Variants in DLG2 observed in about 807,000 individuals in gnomAD.
The protein encoded by DLG2 is discs large MAGUK scaffold protein 2.
In DLG2, 45 loss-of-function variants were observed where a neutral mutation model predicts 132.5. That is an observed-to-expected ratio of 0.34 (90% confidence interval 0.27 to 0.44). DLG2 has a LOEUF of 0.44. Among genes scored for constraint, DLG2 ranks in the 20% least tolerant of loss-of-function variants. The pLI is 1.00. For missense variants in DLG2, 1,045 were observed against 1,196.9 expected (o/e 0.87, Z 1.87); for synonymous variants, 424 against 419.6 (o/e 1.01, Z -0.13).
intron 8 of DLG2, among the ~76,000 whole-genome samples, chr11:84,199,192 G>T (rs2096560974): frequency 6.6e-6 from 1 of 152,052 alleles, no homozygotes; most frequent in South Asian, 2.1e-4. Flanking sequence ...TTGAATCTAG[G>T]CTCACAAACT....
chr11:85,446,691 C>T (rs1436269412), intron 3 of DLG2, among the ~76,000 whole-genome samples: 3 of 151,982 alleles, frequency 2.0e-5, no homozygotes, highest in Non-Finnish European at 2.9e-5. Context: ...ACCACAGATG[C>T]ATCTTATTCT....
Position 85,246,342 on chromosome 11 carries a change from A to G in DLG2, c.186+38878T>C, listed in dbSNP as rs147670972. Reference sequence around the variant, plus strand: ...GCATCAGACTAGCTGACTAGCCCCAATGAATGTTAGAAAACAGGTCAGTAA... The same window carrying G: ...GCATCAGACTAGCTGACTAGCCCCAGTGAATGTTAGAAAACAGGTCAGTAA... On this transcript the variant is annotated intron_variant, in intron 4 of 27. Coordinates refer to ENST00000376104, the MANE Select transcript of DLG2 (RefSeq NM_001142699.3). Among the ~76,000 whole-genome samples the G allele has an allele frequency of 3.5e-3, 536 of 152,136 alleles. 1 individual carries two copies. Among genetic ancestry groups the G allele is most frequent in the African/African-American group, 0.012 (511 of 41,540 alleles).
intron 20 of DLG2, among the ~76,000 whole-genome samples, chr11:83,533,941 G>T (rs901152496): frequency 1.3e-5 from 2 of 152,112 alleles, no homozygotes; most frequent in Non-Finnish European, 2.9e-5. Context: ...AGGAAGCTGG[G>T]GGCCTATTTA....
At chr11:83,765,412 C>T (rs898761635) in intron 18 of DLG2, among the ~76,000 whole-genome samples, 2 of 152,106 alleles carry the variant, frequency 1.3e-5, no homozygotes, top group Admixed American at 1.3e-4. Flanking sequence ...AAATATTTAC[C>T]TTTTAAAATT....
chr11:84,402,353 A>G (rs1234652544), intron 7 of DLG2, among the ~76,000 whole-genome samples: 1 of 152,184 alleles, frequency 6.6e-6, no homozygotes, highest in Non-Finnish European at 1.5e-5. Context: ...TTGAATGGTT[A>G]AGATCTGGAG....
At chr11:85,338,765 C>T (rs139238094) in intron 3 of DLG2, among the ~76,000 whole-genome samples, 6,678 of 144,640 alleles carry the variant, frequency 0.046, 180 homozygotes, top group Admixed American at 0.059. Context: ...AGTGCAGTGA[C>T]GCGATCTCGG....
intron 10 of DLG2, among the ~76,000 whole-genome samples, chr11:84,064,564 T>C (rs1030614009): frequency 1.3e-5 from 2 of 152,152 alleles, no homozygotes; most frequent in Non-Finnish European, 2.9e-5. Flanking sequence ...TATTGACTGA[T>C]TGTTACTGTT....
intron 9 of DLG2, among the ~76,000 whole-genome samples, chr11:84,122,272 A>G (rs2093960888): frequency 6.6e-6 from 1 of 152,158 alleles, no homozygotes; most frequent in Non-Finnish European, 1.5e-5. Context: ...ATGAGCCAAG[A>G]TCGCGTCACT....
chr11:85,465,049 G>T (rs891368442), intron 3 of DLG2, among the ~76,000 whole-genome samples: 1 of 106,642 alleles, frequency 9.4e-6, no homozygotes, highest in East Asian at 3.2e-4. Context: ...ACTCCAGCAC[G>T]GGCAACAGTG....
chr11:83,964,955 T>C (rs1047576104), intron 13 of DLG2, among the ~76,000 whole-genome samples: 3 of 152,036 alleles, frequency 2.0e-5, no homozygotes, highest in African/African-American at 7.2e-5. Context: ...GCCAGTCTCT[T>C]TTCTAATCTA....
At chr11:84,091,001 C>G (rs1004566228) in intron 10 of DLG2, among the ~76,000 whole-genome samples, 1 of 152,208 alleles carries the variant, frequency 6.6e-6, no homozygotes, top group Admixed American at 6.5e-5. Flanking sequence ...AGAGTATGAT[C>G]TAAACTAAGT....
Position 85,547,112 on chromosome 11 carries a change from A to G in DLG2, c.40+51545T>C, listed in dbSNP as rs145312377. 5.3e-3 allele frequency among the ~76,000 whole-genome samples: 804 copies of G among 152,228 alleles called. 8 individuals are homozygous for G. Among genetic ancestry groups the G allele is most frequent in the African/African-American group, 0.018 (747 of 41,534 alleles). ...TATTCATAGCGTCGATGGTCTTTAC[A>G]GTTTGGCATGTTTTTGCAGTGGTTG... On this transcript the variant is annotated intron_variant, in intron 3 of 27. Transcript: ENST00000376104.
chr11:85,365,984 G>T (rs535253102), intron 3 of DLG2, among the ~76,000 whole-genome samples: 1 of 152,238 alleles, frequency 6.6e-6, no homozygotes, highest in East Asian at 1.9e-4. Context: ...CCTAATGTCA[G>T]GTTGATGGGT....
rs111897843 is a variant in DLG2 at position 83,801,039 on chromosome 11, T to G, written c.1723-14247A>C. On this transcript the variant is annotated intron_variant, in intron 17 of 27. Transcript: ENST00000376104. ...TCGTGCTCAAAATCAAACTCAAAAT[T>G]TCTCCCAAACATGTTTCTCGAGAGT... 9.1e-3 allele frequency among the ~76,000 whole-genome samples: 1,385 copies of G among 152,212 alleles called. 20 individuals are homozygous for G. The highest frequency in any genetic ancestry group is 0.032 in the African/African-American group (1,331 of 41,522).
intron 7 of DLG2, among the ~76,000 whole-genome samples, chr11:84,333,830 G>C (rs1186212849): frequency 6.6e-6 from 1 of 152,176 alleles, no homozygotes; most frequent in Non-Finnish European, 1.5e-5. Context: ...TAAGGTCTTA[G>C]ACAAATTATT....
In DLG2 at chr11:83,794,363, G is replaced by C. The variant is rs1241600747; in HGVS notation, c.1723-7571C>G. Among the ~76,000 whole-genome samples, 2 of 150,022 alleles carry C rather than the reference G, an allele frequency of 1.3e-5. 1 individual carries two copies. Among genetic ancestry groups the C allele is most frequent in the Admixed American group, 1.3e-4 (2 of 14,980 alleles). ...AACCTTGAACAAATAACATTTTCAAGTATTCACAGTTTACATCATTGATAT... is the reference window on the plus strand; with the variant it reads ...AACCTTGAACAAATAACATTTTCAACTATTCACAGTTTACATCATTGATAT... On this transcript the variant is annotated intron_variant, in intron 17 of 27. Transcript: ENST00000376104.
At chr11:84,530,896 G>A (rs923909640) in intron 7 of DLG2, among the ~76,000 whole-genome samples, 8 of 152,108 alleles carry the variant, frequency 5.3e-5, no homozygotes, top group African/African-American at 1.9e-4. Flanking sequence ...ACAGTAGCTG[G>A]GTTCAGGAAA....
At chr11:84,005,827 G>A (rs913781497) in intron 11 of DLG2, among the ~76,000 whole-genome samples, 4 of 151,906 alleles carry the variant, frequency 2.6e-5, no homozygotes, top group South Asian at 2.1e-4. Flanking sequence ...AATAACGGAC[G>A]CTGACAAGGA....
At chr11:84,674,516 C>A (rs950545589) in intron 6 of DLG2, among the ~76,000 whole-genome samples, 1 of 152,066 alleles carries the variant, frequency 6.6e-6, no homozygotes, top group East Asian at 1.9e-4. Flanking sequence ...CCCATTCAAA[C>A]CTTAGCTCCT....
Sources: gnomAD v4.1 joint callset for allele counts (sites outside exome capture counted in the v4.1 genomes callset) on GRCh38, gnomAD v4.1.1 for gene constraint, MANE v1.5 for transcripts, NCBI Gene and HGNC (gene_info 2026-07-23, HGNC 2026-07-21) for gene names.